GCA: variants seen among roughly 807,000 people sequenced by gnomAD.
GCA encodes grancalcin.
A neutral mutation model predicts 32.6 loss-of-function variants in GCA; 30 were observed. The ratio of observed to expected loss-of-function variants is 0.92; its 90% CI spans 0.69 to 1.25. GCA has a LOEUF of 1.25. Among genes scored for constraint, GCA ranks in the 50% most tolerant of loss-of-function variants. GCA has a pLI of 0.00. For synonymous variants in GCA, 102 were observed against 84.6 expected, an observed-to-expected ratio of 1.21 and a Z score of -1.13; for missense variants, 291 against 266.8, an observed-to-expected ratio of 1.09 and a Z score of -0.63.
upstream of GCA, chr2:162,344,076 C>A (rs1018489890): frequency 4.2e-5 from 28 of 672,694 alleles, no homozygotes; most frequent in Non-Finnish European, 6.6e-5. Context: ...CGGAACCGTG[C>A]AGGGCGGGGC....
chr2:162,367,114 GCTAACACCATTT>G (rs1685776798), downstream of GCA, among the ~76,000 whole-genome samples: 1 of 151,762 alleles, frequency 6.6e-6, no homozygotes, highest in Non-Finnish European at 1.5e-5. Context: ...TATGTTAGAT[GCTAACACCATTT>G]TTTATCATTT....
intron 5 of GCA, among the ~76,000 whole-genome samples, chr2:162,358,488 C>G (rs16846645): frequency 0.023 from 3,467 of 151,170 alleles, 140 homozygotes; most frequent in African/African-American, 0.08. Context: ...AGTGAAATAG[C>G]GAGAAAGCTG....
At chr2:162,330,198 G>T (rs1039481766) in intron 1 of GCA, among the ~76,000 whole-genome samples, 1 of 152,126 alleles carries the variant, frequency 6.6e-6, no homozygotes, top group African/African-American at 2.4e-5. Flanking sequence ...CCAGTAATGG[G>T]ATTGCTGGGT....
chr2:162,349,418 T>A (rs957701120), intron 2 of GCA, among the ~76,000 whole-genome samples: 4 of 152,156 alleles, frequency 2.6e-5, no homozygotes, highest in African/African-American at 4.8e-5. Flanking sequence ...CAGCACCTGC[T>A]ATATTTGTGT....
Position 162,362,039 on chromosome 2 carries a change from A to G in GCA, c.*1796A>G. The G allele has an allele frequency of 1.0e-6, 1 of 983,780 alleles. No individual in the cohort carries two copies. The allele number at this position is 983,780 out of a possible 1,614,324, so 60.9% of individuals were successfully genotyped here. A position where few individuals can be genotyped will look rare whatever the true frequency, so the allele number is the denominator to read the frequency against. On this transcript the variant is annotated 3_prime_UTR_variant, in exon 8 of 8. Transcript: ENST00000437150. ...AAGCTTCTGCCAGGTGACACTCTAT[A>G]TTAGAACTCTTTAACACAATTTTCA...
chr2:162,332,352 A>G (rs1025320625), intron 1 of GCA, among the ~76,000 whole-genome samples: 54 of 146,026 alleles, frequency 3.7e-4, no homozygotes, highest in Non-Finnish European at 6.2e-4. Context: ...ATATAATATT[A>G]TTTATATATT....
At chr2:162,326,648 C>G (rs1423698075) in intron 1 of GCA, among the ~76,000 whole-genome samples, 3 of 152,170 alleles carry the variant, frequency 2.0e-5, no homozygotes, top group Non-Finnish European at 4.4e-5. Flanking sequence ...TCCCAAGTAG[C>G]TGGGACTACA....
At chr2:162,325,784 C>A (rs1030711096) in intron 1 of GCA, among the ~76,000 whole-genome samples, 1 of 152,208 alleles carries the variant, frequency 6.6e-6, no homozygotes, top group Admixed American at 6.5e-5. Flanking sequence ...AATATAACAT[C>A]TCTCCAGGAG....
chr2:162,360,262 C>G lies in GCA; in HGVS notation c.*19C>G, dbSNP rs778825940. ...AATTTGAATGCTTAGAATTTTAAACCTGAAGAGACACTGTGAATTCTTTTG... is the reference window on the plus strand; with the variant it reads ...AATTTGAATGCTTAGAATTTTAAACGTGAAGAGACACTGTGAATTCTTTTG... On this transcript the variant is annotated 3_prime_UTR_variant, in exon 8 of 8. Coordinates refer to ENST00000437150, the MANE Select transcript of GCA (RefSeq NM_012198.5). 7 of 1,583,146 alleles carry G rather than the reference C, an allele frequency of 4.4e-6. No individual in the cohort carries two copies. Among genetic ancestry groups the G allele is most frequent in the Non-Finnish European group, 6.0e-6 (7 of 1,159,986 alleles).
At chr2:162,355,596 T>C (rs1685224357) in intron 3 of GCA, among the ~76,000 whole-genome samples, 1 of 152,090 alleles carries the variant, frequency 6.6e-6, no homozygotes, top group Non-Finnish European at 1.5e-5. Flanking sequence ...AAATTGAATG[T>C]AATTGGATTA....
intron 1 of GCA, among the ~76,000 whole-genome samples, chr2:162,335,817 T>C (rs1684251987): frequency 6.6e-6 from 1 of 152,222 alleles, no homozygotes; most frequent in Non-Finnish European, 1.5e-5. Context: ...GAGTCAATTG[T>C]CAACCCCTTC....
chr2:162,324,841 G>C (rs1012546127), intron 1 of GCA, among the ~76,000 whole-genome samples: 2 of 152,080 alleles, frequency 1.3e-5, no homozygotes, highest in African/African-American at 4.8e-5. Context: ...ACGATGACCG[G>C]TTTTAACTGC....
intron 1 of GCA, among the ~76,000 whole-genome samples, chr2:162,345,146 G>GGTTGTGGTTGTT (rs1684633747): frequency 1.3e-5 from 2 of 149,962 alleles, no homozygotes; most frequent in Admixed American, 6.7e-5. Context: ...TTGTGGTTGT[G>GGTTGTGGTTGTT]GTTGTTGTTG....
At chr2:162,373,640 C>A, downstream of GCA, 1 of 1,526,990 alleles carries the variant, frequency 6.5e-7, no homozygotes, top group Admixed American at 2.0e-5. Flanking sequence ...GTCTGGATGT[C>A]AGTGGTCATT....
downstream of GCA, among the ~76,000 whole-genome samples, chr2:162,367,615 T>C (rs761602058): frequency 3.3e-5 from 5 of 151,986 alleles, no homozygotes; most frequent in Non-Finnish European, 5.9e-5. Flanking sequence ...TAGTGCAAAA[T>C]ACAATTAAGA....
At chr2:162,353,930 C>A (rs1685126430) in intron 3 of GCA, among the ~76,000 whole-genome samples, 2 of 151,490 alleles carry the variant, frequency 1.3e-5, no homozygotes, top group Admixed American at 6.6e-5. Flanking sequence ...GGGAATTTTC[C>A]TCAACTTTAT....
upstream of GCA, among the ~76,000 whole-genome samples, chr2:162,341,449 A>C (rs993683207): frequency 1.3e-5 from 2 of 151,792 alleles, no homozygotes; most frequent in African/African-American, 4.8e-5. Flanking sequence ...TATTGTTTAC[A>C]TTTTACTGGT....
downstream of GCA, among the ~76,000 whole-genome samples, chr2:162,367,312 A>G (rs866045556): frequency 6.6e-6 from 1 of 151,890 alleles, no homozygotes; most frequent in African/African-American, 2.4e-5. Flanking sequence ...GGGTCTGAAA[A>G]CCATTGCAAC....
In GCA at chr2:162,360,706, C is replaced by G. The variant is rs1361520983; in HGVS notation, c.*463C>G. The stretch of plus-strand genomic sequence containing the variant: ...AGAAATGAAAGCCTGGATTTTGTGC[C>G]ATGTTTGTAATATAGTTTGTTCCTT... On this transcript the variant is annotated 3_prime_UTR_variant, in exon 8 of 8. Coordinates refer to ENST00000437150, the MANE Select transcript of GCA (RefSeq NM_012198.5). The G allele has an allele frequency of 7.4e-7, 1 of 1,358,406 alleles. No individual in the cohort carries two copies. Among genetic ancestry groups the G allele is most frequent in the Non-Finnish European group, 9.4e-7 (1 of 1,058,484 alleles). 84.1% of individuals were successfully genotyped at this position (1,358,406 alleles called of 1,614,324 possible). A position where few individuals can be genotyped will look rare whatever the true frequency, so the allele number is the denominator to read the frequency against.
Sources: allele counts gnomAD v4.1 joint callset (sites outside exome capture counted in the v4.1 genomes callset), GRCh38; gene constraint gnomAD v4.1.1; transcripts MANE v1.5; gene names NCBI Gene and HGNC (gene_info 2026-07-23, HGNC 2026-07-21).